The following TAFA1 variants were observed in gnomAD, a reference collection of about 807,000 sequenced individuals.
The protein encoded by TAFA1 is TAFA chemokine like family member 1, also known as chemokine-like protein TAFA-1.
A neutral mutation model predicts 18.5 loss-of-function variants in TAFA1; 4 were observed. The ratio of observed to expected loss-of-function variants is 0.22; its 90% CI spans 0.11 to 0.49. TAFA1 has a LOEUF of 0.49. Ranked by LOEUF, TAFA1 falls within the 20% of genes least tolerant of loss-of-function variation. The pLI is 0.98. For missense variants in TAFA1, 147 were observed against 169.0 expected (o/e 0.87, Z 0.72); for synonymous variants, 56 against 55.2 (o/e 1.01, Z -0.06).
chr3:68,041,695 G>A (rs1234445239), intron 2 of TAFA1, among the ~76,000 whole-genome samples: 1 of 152,198 alleles, frequency 6.6e-6, no homozygotes, highest in African/African-American at 2.4e-5. Context: ...GGTCTAGAAT[G>A]GGCAAAAGCC....
chr3:68,204,215 C>A (rs891782078), intron 2 of TAFA1, among the ~76,000 whole-genome samples: 2 of 151,670 alleles, frequency 1.3e-5, no homozygotes, highest in African/African-American at 4.8e-5. Context: ...GAGCTTTTTA[C>A]TTGTTGTTTG....
chr3:68,270,007 G>A (rs899059611), intron 2 of TAFA1, among the ~76,000 whole-genome samples: 2 of 152,126 alleles, frequency 1.3e-5, no homozygotes, highest in African/African-American at 4.8e-5. Context: ...GCCTACCTTG[G>A]AAAGTCTGTG....
chr3:68,185,754 A>G (rs1272682895), intron 2 of TAFA1, among the ~76,000 whole-genome samples: 1 of 151,966 alleles, frequency 6.6e-6, no homozygotes, highest in East Asian at 2.0e-4. Flanking sequence ...TACAGAAAAA[A>G]TACAAAAACT....
chr3:68,469,185 T>C (rs2071947468), intron 3 of TAFA1, among the ~76,000 whole-genome samples: 1 of 151,270 alleles, frequency 6.6e-6, no homozygotes, highest in Admixed American at 6.6e-5. Flanking sequence ...AATATAAATG[T>C]ATATAAAATA....
At chr3:68,263,306 T>C (rs550038899) in intron 2 of TAFA1, among the ~76,000 whole-genome samples, 1 of 152,272 alleles carries the variant, frequency 6.6e-6, no homozygotes, top group Middle Eastern at 3.4e-3. Flanking sequence ...ATATGCTGTT[T>C]AGTCTCTTGA....
chr3:68,045,454 A>G (rs1054311678), intron 2 of TAFA1, among the ~76,000 whole-genome samples: 3 of 152,218 alleles, frequency 2.0e-5, no homozygotes, highest in African/African-American at 7.2e-5. Flanking sequence ...AGTTAGTATT[A>G]TAGAAAATTA....
intron 2 of TAFA1, among the ~76,000 whole-genome samples, chr3:68,087,522 T>TCCTC (rs1284492796): frequency 1.4e-5 from 2 of 142,368 alleles, no homozygotes; most frequent in African/African-American, 2.6e-5. Flanking sequence ...CTCCCTTCCT[T>TCCTC]CCTCCCTCCC....
the TAFA1 span, among the ~76,000 whole-genome samples, chr3:67,993,432 T>G: frequency 6.6e-6 from 1 of 152,204 alleles, no homozygotes; most frequent in African/African-American, 2.4e-5. Flanking sequence ...CTTGTAAGTA[T>G]TTTCCAATGA....
chr3:68,305,281 C>T (rs1575762758), intron 2 of TAFA1, among the ~76,000 whole-genome samples: 1 of 150,788 alleles, frequency 6.6e-6, no homozygotes, highest in Non-Finnish European at 1.5e-5. Context: ...TATTGGATTA[C>T]AGCTCACCCT....
intron 2 of TAFA1, among the ~76,000 whole-genome samples, chr3:68,220,775 T>G (rs2066719652): frequency 6.6e-6 from 1 of 152,138 alleles, no homozygotes; most frequent in African/African-American, 2.4e-5. Flanking sequence ...CTGAGTAATA[T>G]TCCTTCATCA....
intron 3 of TAFA1, among the ~76,000 whole-genome samples, chr3:68,445,042 A>G (rs899959528): frequency 6.6e-6 from 1 of 152,050 alleles, no homozygotes; most frequent in African/African-American, 2.4e-5. Context: ...AGTTATCTTG[A>G]GAATAGAGCC....
chr3:68,120,171 CTCTTTCTTTCTTTCTTTCTTTCTTTCTT>C (rs67707831), intron 2 of TAFA1, among the ~76,000 whole-genome samples: 4,545 of 84,434 alleles, frequency 0.054, 166 homozygotes, highest in South Asian at 0.075. Flanking sequence ...CTCTTTCTTT[CTCTTTCTTTCTTTCTTTCTTTCTTTCTT>C]TCTTTCTTTC....
At chr3:68,407,985 A>G (rs555701084) in intron 2 of TAFA1, among the ~76,000 whole-genome samples, 4 of 152,138 alleles carry the variant, frequency 2.6e-5, no homozygotes, top group Non-Finnish European at 4.4e-5. Flanking sequence ...GCTTCTTTCC[A>G]GTCCATTGGG....
At chr3:68,250,022 C>G (rs569993759) in intron 2 of TAFA1, among the ~76,000 whole-genome samples, 5 of 152,128 alleles carry the variant, frequency 3.3e-5, no homozygotes, top group African/African-American at 4.8e-5. Flanking sequence ...ATCTCCCAAA[C>G]GTATATTGAG....
rs76799029 is a variant in TAFA1, at chr3:68,405,178, C to T, written c.119-12102C>T. 9.2e-5 allele frequency among the ~76,000 whole-genome samples: 14 copies of T among 152,136 alleles called. No individual in the cohort carries two copies. The East Asian group carries it at 2.5e-3, about 27-fold the overall frequency. ...TTTGTTTGTAATCACCACCCATGTT[C>T]GTTTTAACATCCATTACACTTATCT... On this transcript the variant is annotated intron_variant, in intron 2 of 4. Transcript: ENST00000478136.
intron 2 of TAFA1, among the ~76,000 whole-genome samples, chr3:68,098,257 GT>G (rs144548050): frequency 1.1e-3 from 162 of 151,324 alleles, no homozygotes; most frequent in African/African-American, 3.5e-3. Flanking sequence ...AGGTGTGACT[GT>G]TTTTTTTTAA....
chr3:68,243,767 G>A (rs2067032804), intron 2 of TAFA1, among the ~76,000 whole-genome samples: 1 of 152,064 alleles, frequency 6.6e-6, no homozygotes, highest in African/African-American at 2.4e-5. Context: ...ACATTCTGAG[G>A]AAAGTAAATT....
At chr3:68,033,061 A>T (rs1386094006) in intron 2 of TAFA1, among the ~76,000 whole-genome samples, 1 of 152,192 alleles carries the variant, frequency 6.6e-6, no homozygotes, top group Non-Finnish European at 1.5e-5. Context: ...TATACTCAAC[A>T]GTCACTTAGG....
intron 2 of TAFA1, among the ~76,000 whole-genome samples, chr3:68,302,176 ATTAC>A (rs2068317127): frequency 6.6e-6 from 1 of 152,222 alleles, no homozygotes; most frequent in Non-Finnish European, 1.5e-5. Context: ...CAAAGTAATA[ATTAC>A]ATTAAATCTT....
Sources: gnomAD v4.1 joint callset for allele counts (sites outside exome capture counted in the v4.1 genomes callset) on GRCh38, gnomAD v4.1.1 for gene constraint, MANE v1.5 for transcripts, NCBI Gene and HGNC (gene_info 2026-07-23, HGNC 2026-07-21) for gene names.